HS6ST3: variants seen among roughly 807,000 people sequenced by gnomAD.
HS6ST3 encodes the protein heparan-sulfate 6-O-sulfotransferase 3.
In HS6ST3, 12 loss-of-function variants were observed where a neutral mutation model predicts 36.7. That is an observed-to-expected ratio of 0.33 (90% CI 0.21 to 0.53). HS6ST3 has a LOEUF of 0.53. Ranked by LOEUF, HS6ST3 falls within the 20% of genes least tolerant of loss-of-function variation. HS6ST3 has a pLI of 0.95. For synonymous variants in HS6ST3, 240 were observed against 257.5 expected (o/e 0.93, Z 0.65); for missense variants, 584 against 640.9 (o/e 0.91, Z 0.96).
In HS6ST3 at chr13:96,833,027, C is replaced by G. The variant is rs766044434; in HGVS notation, c.1245C>G (p.Phe415Leu). Residue 415 changes from phenylalanine (F) to leucine (L), a missense_variant, in exon 2 of 2, where the codon TTC becomes TTG. Transcript: ENST00000376705. ...MQLYEYAKDL[F>L]QQRYHHTKQL... Reference sequence around the variant, plus strand: ...TTTACGAGTATGCAAAAGATCTCTTCCAGCAGCGCTACCACCACACCAAGC... The same window carrying G: ...TTTACGAGTATGCAAAAGATCTCTTGCAGCAGCGCTACCACCACACCAAGC... 2.9e-5 allele frequency: 46 copies of G among 1,613,764 alleles called. No individual in the cohort carries two copies. The highest frequency in any genetic ancestry group is 3.9e-5 in the Non-Finnish European group (46 of 1,180,010).
chr13:96,383,463 G>C (rs9513130), intron 1 of HS6ST3, among the ~76,000 whole-genome samples: 50,918 of 151,946 alleles, frequency 0.34, 9,290 homozygotes, highest in Non-Finnish European at 0.42. Flanking sequence ...AAAAAAAGTG[G>C]GAGAGAGGGA....
chr13:96,748,427 G>A (rs1406355966), intron 1 of HS6ST3, among the ~76,000 whole-genome samples: 1 of 152,076 alleles, frequency 6.6e-6, no homozygotes, highest in African/African-American at 2.4e-5. Context: ...CACAAGCCAG[G>A]AGCAAAAGTC....
chr13:96,521,850 C>T (rs977261077), intron 1 of HS6ST3, among the ~76,000 whole-genome samples: 2 of 151,944 alleles, frequency 1.3e-5, no homozygotes, highest in Non-Finnish European at 2.9e-5. Context: ...TCTCTGTCTC[C>T]TTCAGTTCTG....
chr13:96,265,335 C>T (rs1334742366), intron 1 of HS6ST3, among the ~76,000 whole-genome samples: 1 of 152,022 alleles, frequency 6.6e-6, no homozygotes, highest in Non-Finnish European at 1.5e-5. Flanking sequence ...ACACCATGCC[C>T]AGCTAATTAA....
At chr13:96,544,967 G>A (rs72641887) in intron 1 of HS6ST3, among the ~76,000 whole-genome samples, 10,729 of 152,166 alleles carry the variant, frequency 0.071, 426 homozygotes, top group Middle Eastern at 0.095. Context: ...AAATAAAGAA[G>A]CTCCTTTCAA....
At chr13:96,285,648 C>T (rs758931521) in intron 1 of HS6ST3, among the ~76,000 whole-genome samples, 1 of 152,090 alleles carries the variant, frequency 6.6e-6, no homozygotes, top group Non-Finnish European at 1.5e-5. Context: ...TCTTTCTGGC[C>T]TGTTTGGAGA....
At position 96,737,631 on chromosome 13, in the gene HS6ST3, CAAAAAAA is replaced by C. The variant is rs5805990; in HGVS notation, c.708-94839_708-94833del. Among the ~76,000 whole-genome samples, 29 of 65,764 alleles carry C rather than the reference CAAAAAAA, an allele frequency of 4.4e-4. No homozygotes were observed. The South Asian group carries it at 5.0e-3, about 11-fold the overall frequency. 43.1% of individuals were successfully genotyped at this position (65,764 alleles called of 152,430 possible). ...TGGGCGACAGAGCGAGACTCCGTCTCAAAAAAAAAAAAAAAAAAAAAAAAAAGAGATT... is the reference window on the plus strand; with the variant it reads ...TGGGCGACAGAGCGAGACTCCGTCTCAAAAAAAAAAAAAAAAAAAGAGATT... On this transcript the variant is annotated intron_variant, in intron 1 of 1. Coordinates refer to ENST00000376705, the MANE Select transcript of HS6ST3 (RefSeq NM_153456.4).
Position 96,323,137 on chromosome 13 carries a change from A to G in HS6ST3, c.707+231568A>G, listed in dbSNP as rs563346311. Among the ~76,000 whole-genome samples, 24 of 152,194 alleles carry G rather than the reference A, an allele frequency of 1.6e-4. No homozygotes were observed. The South Asian group carries it at 4.6e-3, about 29-fold the overall frequency. On this transcript the variant is annotated intron_variant, in intron 1 of 1. Coordinates refer to ENST00000376705, the MANE Select transcript of HS6ST3 (RefSeq NM_153456.4). Reference sequence around the variant, plus strand: ...TTCCAAATCAATACCCCCAGCCTACATATCTTTCCCTCATGATTAATATAT... The same window carrying G: ...TTCCAAATCAATACCCCCAGCCTACGTATCTTTCCCTCATGATTAATATAT...
intron 1 of HS6ST3, among the ~76,000 whole-genome samples, chr13:96,700,359 A>G (rs1290682447): frequency 6.6e-6 from 1 of 152,140 alleles, no homozygotes; most frequent in Non-Finnish European, 1.5e-5. Context: ...AACCGCCCCC[A>G]TGATCCAATT....
At chr13:96,185,609 T>C (rs1377278011) in intron 1 of HS6ST3, among the ~76,000 whole-genome samples, 1 of 152,256 alleles carries the variant, frequency 6.6e-6, no homozygotes, top group Non-Finnish European at 1.5e-5. Context: ...AAGACGAGTT[T>C]ATACCTATAT....
At chr13:96,445,600 C>G (rs2055694001) in intron 1 of HS6ST3, among the ~76,000 whole-genome samples, 1 of 151,988 alleles carries the variant, frequency 6.6e-6, no homozygotes, top group African/African-American at 2.4e-5. Context: ...GATGTGGTGG[C>G]TCACACCTGT....
intron 1 of HS6ST3, among the ~76,000 whole-genome samples, chr13:96,538,920 C>T (rs2056166682): frequency 6.6e-6 from 1 of 152,150 alleles, no homozygotes; most frequent in Non-Finnish European, 1.5e-5. Flanking sequence ...GATGATTCTG[C>T]GTTTCCAATT....
At chr13:96,249,859 A>G (rs2054599807) in intron 1 of HS6ST3, among the ~76,000 whole-genome samples, 2 of 152,202 alleles carry the variant, frequency 1.3e-5, no homozygotes, top group Admixed American at 1.3e-4. Context: ...CAGAAATTTT[A>G]TTATTCTACT....
At chr13:96,112,279 C>G (rs1179945964) in intron 1 of HS6ST3, among the ~76,000 whole-genome samples, 10 of 151,914 alleles carry the variant, frequency 6.6e-5, no homozygotes, top group Admixed American at 6.6e-4. Flanking sequence ...ATGTAACAAC[C>G]TGCATCCCAG....
intron 1 of HS6ST3, among the ~76,000 whole-genome samples, chr13:96,345,651 T>C (rs2055150505): frequency 6.6e-6 from 1 of 152,184 alleles, no homozygotes; most frequent in African/African-American, 2.4e-5. Flanking sequence ...GGGACCAGTT[T>C]TGTGGAAGAC....
At chr13:96,159,498 C>T (rs2054126355) in intron 1 of HS6ST3, among the ~76,000 whole-genome samples, 1 of 152,160 alleles carries the variant, frequency 6.6e-6, no homozygotes, top group Admixed American at 6.5e-5. Flanking sequence ...AATTCCGGGT[C>T]ACATCTTTCC....
chr13:96,556,464 T>G (rs961018955), intron 1 of HS6ST3, among the ~76,000 whole-genome samples: 2 of 152,142 alleles, frequency 1.3e-5, no homozygotes, highest in Admixed American at 6.5e-5. Context: ...ATATTTTATT[T>G]GGGTTTTACA....
chr13:96,347,855 G>A (rs184011437), intron 1 of HS6ST3, among the ~76,000 whole-genome samples: 10 of 152,140 alleles, frequency 6.6e-5, no homozygotes, highest in Admixed American at 3.9e-4. Context: ...GGCTGAGTAC[G>A]CCGCTCTGTG....
intron 1 of HS6ST3, among the ~76,000 whole-genome samples, chr13:96,476,344 T>C (rs1052220757): frequency 2.6e-5 from 4 of 152,126 alleles, no homozygotes; most frequent in African/African-American, 9.6e-5. Flanking sequence ...AATGATTCCT[T>C]GAGACAGTTT....
Sources: gnomAD v4.1 joint callset for allele counts (sites outside exome capture counted in the v4.1 genomes callset) on GRCh38, gnomAD v4.1.1 for gene constraint, MANE v1.5 for transcripts, NCBI Gene and HGNC (gene_info 2026-07-23, HGNC 2026-07-21) for gene names.